The following RBFOX1 variants were observed in gnomAD, a reference collection of about 807,000 sequenced individuals.
RBFOX1 encodes the protein RNA binding protein fox-1 homolog 1.
In RBFOX1, 8 loss-of-function variants were observed where a neutral mutation model predicts 57.7. That is an observed-to-expected ratio of 0.14 (90% confidence interval 0.08 to 0.25). The LOEUF (loss-of-function observed/expected upper bound fraction) is 0.25. RBFOX1 is among the 10% of genes least tolerant of loss of function. The pLI, the probability that RBFOX1 is intolerant of heterozygous loss-of-function variation, is 1.00. For missense variants in RBFOX1, 611 were observed against 548.5 expected (o/e 1.11, Z -1.14); for synonymous variants, 326 against 222.4 (o/e 1.47, Z -4.15).
In RBFOX1 at chr16:7,265,958, G is replaced by GTTTT. The variant is rs201372502; in HGVS notation, c.27+213862_27+213865dup. Among the ~76,000 whole-genome samples, 12 of 107,598 alleles carry GTTTT rather than the reference G, an allele frequency of 1.1e-4. 1 individual carries two copies. The highest frequency in any genetic ancestry group is 4.1e-4 in the African/African-American group (9 of 21,762). The allele number at this position is 107,598 out of a possible 152,430, so 70.6% of individuals were successfully genotyped here. A position where few individuals can be genotyped will look rare whatever the true frequency, so the allele number is the denominator to read the frequency against. On this transcript the variant is annotated intron_variant, in intron 4 of 15. Coordinates refer to ENST00000550418, the MANE Select transcript of RBFOX1 (RefSeq NM_018723.4). ...GTGAGTGAGTTATGAGATCTGGTGG[G>GTTTT]TTTTTGTTTTTTTTTTTTTTTTTTT...
chr16:6,569,498 C>G (rs374754018), intron 2 of RBFOX1, among the ~76,000 whole-genome samples: 2 of 152,188 alleles, frequency 1.3e-5, no homozygotes, highest in African/African-American at 4.8e-5. Context: ...GCTTATCCTT[C>G]ACTAGATGGA....
intron 3 of RBFOX1, among the ~76,000 whole-genome samples, chr16:5,646,988 C>T (rs1019514103): frequency 4.6e-5 from 7 of 152,058 alleles, no homozygotes; most frequent in East Asian, 3.9e-4. Flanking sequence ...GCGCAGCCGG[C>T]GGCTGCGATG....
chr16:5,326,062 C>T (rs1243106053), intron 1 of RBFOX1, among the ~76,000 whole-genome samples: 5 of 152,150 alleles, frequency 3.3e-5, no homozygotes, highest in Non-Finnish European at 7.3e-5. Context: ...AGAGTTTTTA[C>T]ACTCCCGTCA....
At chr16:5,378,903 A>C (rs1282786710) in intron 1 of RBFOX1, among the ~76,000 whole-genome samples, 1 of 151,468 alleles carries the variant, frequency 6.6e-6, no homozygotes, top group Non-Finnish European at 1.5e-5. Context: ...ACATAGAGAG[A>C]TTTCAAGGGC....
At chr16:6,525,565 T>C (rs933827796) in intron 2 of RBFOX1, among the ~76,000 whole-genome samples, 1 of 152,154 alleles carries the variant, frequency 6.6e-6, no homozygotes, top group African/African-American at 2.4e-5. Context: ...CAGAAATTTA[T>C]TTTTCATTGT....
At chr16:6,799,701 A>G (rs2084911283) in intron 3 of RBFOX1, among the ~76,000 whole-genome samples, 2 of 152,092 alleles carry the variant, frequency 1.3e-5, no homozygotes, top group Admixed American at 6.5e-5. Context: ...TGAGTCTTCC[A>G]CCTTTCGTCT....
chr16:7,000,087 A>T (rs536941877), intron 3 of RBFOX1, among the ~76,000 whole-genome samples: 14 of 151,642 alleles, frequency 9.2e-5, no homozygotes, highest in African/African-American at 3.4e-4. Context: ...AAAAAAAAAA[A>T]AGATTATTTA....
chr16:6,353,713 C>G lies in RBFOX1; in HGVS notation c.-64+36656C>G, dbSNP rs148745676. On this transcript the variant is annotated intron_variant, in intron 2 of 15. Coordinates refer to ENST00000550418, the MANE Select transcript of RBFOX1 (RefSeq NM_018723.4). ...TAGTGTCACTTGGTTATTTCGGCCA[C>G]AAAGTCTTTGCTACACTGGTTTCCA... Among the ~76,000 whole-genome samples the G allele has an allele frequency of 3.7e-4, 57 of 152,230 alleles. 1 individual carries two copies. The East Asian group carries it at 9.5e-3, about 25-fold the overall frequency.
intron 1 of RBFOX1, among the ~76,000 whole-genome samples, chr16:5,314,925 A>T (rs2064193595): frequency 6.6e-6 from 1 of 151,960 alleles, no homozygotes; most frequent in Non-Finnish European, 1.5e-5. Flanking sequence ...ACCGTTTTGA[A>T]TTTTTTTTAA....
Position 6,417,880 on chromosome 16 carries a change from A to C in RBFOX1, c.-64+100823A>C, listed in dbSNP as rs142817935. Among the ~76,000 whole-genome samples the C allele has an allele frequency of 5.8e-3, 886 of 152,214 alleles. 10 individuals carry two copies. The highest frequency in any genetic ancestry group is 0.017 in the African/African-American group (697 of 41,532). ...TGTAAATCATTAACCTAAAGAAAGC[A>C]AAAGACAGAACTTTCTTCTGAGAAA... On this transcript the variant is annotated intron_variant, in intron 2 of 15. Coordinates refer to ENST00000550418, the MANE Select transcript of RBFOX1 (RefSeq NM_018723.4).
chr16:6,720,609 T>G (rs1303268498), intron 3 of RBFOX1, among the ~76,000 whole-genome samples: 2 of 152,132 alleles, frequency 1.3e-5, no homozygotes, highest in South Asian at 4.1e-4. Flanking sequence ...AGAGGGGTGC[T>G]GCTGGAGAAT....
chr16:5,966,527 G>A (rs999105133), intron 4 of RBFOX1, among the ~76,000 whole-genome samples: 11 of 152,262 alleles, frequency 7.2e-5, no homozygotes, highest in Admixed American at 2.6e-4. Flanking sequence ...GCGCGTTCTC[G>A]GCTCACTGCA....
intron 1 of RBFOX1, among the ~76,000 whole-genome samples, chr16:6,277,507 C>G (rs2075944213): frequency 6.8e-6 from 1 of 146,954 alleles, no homozygotes; most frequent in Non-Finnish European, 1.5e-5. Context: ...CACAGAGGCT[C>G]ACACCTTTTA....
At chr16:6,202,508 G>A (rs1398190768) in intron 1 of RBFOX1, among the ~76,000 whole-genome samples, 1 of 152,082 alleles carries the variant, frequency 6.6e-6, no homozygotes, top group South Asian at 2.1e-4. Flanking sequence ...CTGTTTCACA[G>A]ATAACTCATG....
At chr16:6,577,778 C>T (rs1757301158) in intron 2 of RBFOX1, among the ~76,000 whole-genome samples, 2 of 152,240 alleles carry the variant, frequency 1.3e-5, no homozygotes, top group African/African-American at 2.4e-5. Context: ...GAACCAGTCA[C>T]ATGGCCTCCT....
chr16:6,015,459 C>G (rs1268191221), upstream of RBFOX1, among the ~76,000 whole-genome samples: 5 of 152,204 alleles, frequency 3.3e-5, no homozygotes, highest in Non-Finnish European at 7.3e-5. Context: ...ACCAGTCACT[C>G]TCCACTGCCT....
chr16:6,492,953 G>C (rs1019910729), intron 2 of RBFOX1, among the ~76,000 whole-genome samples: 11 of 152,234 alleles, frequency 7.2e-5, no homozygotes, highest in African/African-American at 2.4e-4. Flanking sequence ...CTTTGTTGTA[G>C]CTGTGCAGTA....
chr16:7,679,827 G>T (rs752217799), intron 14 of RBFOX1, among the ~76,000 whole-genome samples: 2 of 151,868 alleles, frequency 1.3e-5, no homozygotes, highest in African/African-American at 4.8e-5. Flanking sequence ...ATCTGGTGTG[G>T]GCAGAGATTT....
At chr16:6,369,355 A>G (rs924217940) in intron 2 of RBFOX1, among the ~76,000 whole-genome samples, 1 of 152,198 alleles carries the variant, frequency 6.6e-6, no homozygotes, top group Non-Finnish European at 1.5e-5. Flanking sequence ...AAAGATTGAA[A>G]GGATTGATTT....
Sources: allele counts gnomAD v4.1 joint callset (sites outside exome capture counted in the v4.1 genomes callset), GRCh38; gene constraint gnomAD v4.1.1; transcripts MANE v1.5; gene names NCBI Gene and HGNC (gene_info 2026-07-23, HGNC 2026-07-21).